Variants in FAP observed in about 807,000 individuals in gnomAD.
FAP encodes fibroblast activation protein alpha.
A neutral mutation model predicts 126.5 loss-of-function variants in FAP; 110 were observed. The ratio of observed to expected loss-of-function variants is 0.87; its 90% CI spans 0.74 to 1.02. The LOEUF is 1.02. Ranked by LOEUF, FAP falls within the 50% of genes least tolerant of loss-of-function variation. The pLI, the probability that FAP is intolerant of heterozygous loss-of-function variation, is 0.00. For synonymous variants in FAP, 334 were observed against 297.3 expected, an observed-to-expected ratio of 1.12 and a Z score of -1.27; for missense variants, 919 against 909.2, an observed-to-expected ratio of 1.01 and a Z score of -0.14.
rs1688859612 is a variant in FAP, at chr2:162,209,992, T to C, written c.1007A>G (p.Gln336Arg). ...AGTTCTGCTTTCTTCTATATGCTCC[T>C]GGGTCTAAAAGACAAAAGATCACAT... ...DWQTWDCPKTQEHIEESRTGW... is the reference protein window; with the variant it reads ...DWQTWDCPKTREHIEESRTGW... Residue 336 changes from glutamine (Q) to arginine (R), a missense_variant, in exon 12 of 26, where the codon CAG becomes CGG. Physicochemically the swap from Gln to Arg is conservative, Grantham distance 43. Coordinates refer to ENST00000188790, the MANE Select transcript of FAP (RefSeq NM_004460.5). The C allele has an allele frequency of 6.2e-7, 1 of 1,612,760 alleles. No homozygotes were observed. Among genetic ancestry groups the C allele is most frequent in the South Asian group, 1.1e-5 (1 of 91,038 alleles).
At chr2:162,220,283 TA>T (rs1162987024) in intron 6 of FAP, among the ~76,000 whole-genome samples, 2 of 152,236 alleles carry the variant, frequency 1.3e-5, no homozygotes, top group African/African-American at 4.8e-5. Context: ...AGAGAGCTGA[TA>T]GAACTTTTTA....
chr2:162,218,084 C>T lies in FAP; in HGVS notation c.664G>A (p.Ala222Thr). The change falls in exon 9 of 26, where the codon GCA (alanine) becomes ACA (threonine). Residue 222 changes from alanine (A) to threonine (T), a missense_variant. Physicochemically the swap from Ala to Thr is moderately conservative, Grantham distance 58 (BLOSUM62 0). Transcript: ENST00000188790. The stretch of plus-strand genomic sequence containing the variant: ...TCCGTATCATTAAATTCCGCATATG[C>T]CAAAAATTTTCCATTAGGAGACCAC... ...LWWSPNGKFL[A>T]YAEFNDTDIP... is the part of the protein sequence containing the mutation. 1 of 1,606,786 alleles carries T rather than the reference C, an allele frequency of 6.2e-7. No homozygotes were observed. The highest frequency in any genetic ancestry group is 1.1e-5 in the South Asian group (1 of 89,892).
rs533256795 is a variant in FAP, at chr2:162,177,080, G to GC, written c.1870-2115dup. ...AGAAAACCCGAGTTGACTTTTTCCT[G>GC]CCCCCCCTCCATGAGTGGGGCTCCC... is the stretch of plus-strand genomic sequence containing the variant. On this transcript the variant is annotated intron_variant, in intron 21 of 25. Coordinates refer to ENST00000188790, the MANE Select transcript of FAP (RefSeq NM_004460.5). 1.7e-3 allele frequency among the ~76,000 whole-genome samples: 252 copies of GC among 152,048 alleles called. 1 individual carries two copies. The highest frequency in any genetic ancestry group is 2.6e-3 in the Non-Finnish European group (178 of 67,974).
At chr2:162,188,808 TA>T (rs1328149353) in intron 19 of FAP, among the ~76,000 whole-genome samples, 9 of 152,228 alleles carry the variant, frequency 5.9e-5, no homozygotes, top group Admixed American at 3.9e-4. Context: ...TGATTTACAA[TA>T]TTTTTTTTGG....
chr2:162,174,363 AG>A (rs1687412604), intron 22 of FAP, among the ~76,000 whole-genome samples: 1 of 152,224 alleles, frequency 6.6e-6, no homozygotes, highest in Admixed American at 6.5e-5. Flanking sequence ...TATAATTATT[AG>A]AATTCCTTCC....
intron 25 of FAP, chr2:162,171,410 G>T: frequency 5.5e-6 from 1 of 182,310 alleles, no homozygotes. Context: ...TTTGGAGTCT[G>T]GTTTCTTCAT....
At chr2:162,195,608 C>T (rs1449674673) in intron 16 of FAP, among the ~76,000 whole-genome samples, 1 of 152,030 alleles carries the variant, frequency 6.6e-6, no homozygotes, top group Non-Finnish European at 1.5e-5. Context: ...TGAGTCAGTC[C>T]TGAAGATGGG....
At chr2:162,208,824 GT>G (rs747233676) in intron 12 of FAP, among the ~76,000 whole-genome samples, 10,449 of 139,186 alleles carry the variant, frequency 0.075, 1,018 homozygotes, top group African/African-American at 0.23. Flanking sequence ...AAATAGGAGG[GT>G]TTTTTTTTTT....
chr2:162,227,248 C>T (rs907063722), intron 2 of FAP, among the ~76,000 whole-genome samples: 3 of 151,970 alleles, frequency 2.0e-5, no homozygotes, highest in African/African-American at 7.3e-5. Flanking sequence ...AAAAGAAAAC[C>T]CCTTGATCTA....
chr2:162,209,934 A>G lies in FAP; in HGVS notation c.1047+18T>C. On this transcript the variant is annotated intron_variant, in intron 12 of 25. Coordinates refer to ENST00000188790, the MANE Select transcript of FAP (RefSeq NM_004460.5). ...TCAAGTTTCATTAAAACATAAGAAA[A>G]AGATAGCAAAATCATACTCCACCAG... 6.2e-7 allele frequency: 1 copy of G among 1,610,164 alleles called. No homozygotes were observed. Among genetic ancestry groups the G allele is most frequent in the Non-Finnish European group, 8.5e-7 (1 of 1,177,232 alleles).
At chr2:162,178,963 T>G (rs562675802) in intron 21 of FAP, among the ~76,000 whole-genome samples, 6 of 152,314 alleles carry the variant, frequency 3.9e-5, no homozygotes, top group Admixed American at 6.5e-5. Flanking sequence ...CTCTTCCAAC[T>G]GCTACTTCAC....
In FAP at chr2:162,243,317, C is replaced by T. The variant is rs1466139384; in HGVS notation, c.6+5G>A. On this transcript the variant is annotated splice_donor_5th_base_variant and intron_variant, in intron 1 of 25. Transcript: ENST00000188790. ...TTAAGAATACTTGAGGTTGCTTATA[C>T]TAACCTTCATTTTTCCAGATGTTTT... The T allele has an allele frequency of 1.2e-6, 2 of 1,607,706 alleles. No individual in the cohort carries two copies. The highest frequency in any genetic ancestry group is 1.7e-6 in the Non-Finnish European group (2 of 1,175,588).
intron 2 of FAP, among the ~76,000 whole-genome samples, chr2:162,235,785 C>T (rs1690106684): frequency 2.0e-5 from 3 of 152,182 alleles, no homozygotes; most frequent in African/African-American, 7.2e-5. Context: ...TGCAATAAAT[C>T]TTGCTAGTGC....
intron 21 of FAP, among the ~76,000 whole-genome samples, chr2:162,182,640 C>T (rs1463936416): frequency 6.6e-6 from 1 of 152,128 alleles, no homozygotes; most frequent in East Asian, 1.9e-4. Context: ...ACAACCCAGG[C>T]ACAAATGGCT....
intron 3 of FAP, among the ~76,000 whole-genome samples, 182 bp downstream of exon 3, chr2:162,226,341 C>A (rs938084102): frequency 2.0e-5 from 3 of 152,110 alleles, no homozygotes; most frequent in African/African-American, 7.2e-5. Flanking sequence ...TACTATGGCG[C>A]AAATCCAGTA....
chr2:162,200,041 T>C (rs1394754247), intron 15 of FAP, among the ~76,000 whole-genome samples: 4 of 152,162 alleles, frequency 2.6e-5, no homozygotes, highest in Admixed American at 2.0e-4. Flanking sequence ...TGGCATATAA[T>C]AGACTACCAG....
chr2:162,233,364 C>T (rs1576198581), intron 2 of FAP, among the ~76,000 whole-genome samples: 1 of 151,980 alleles, frequency 6.6e-6, no homozygotes, highest in Non-Finnish European at 1.5e-5. Flanking sequence ...TACTGCACCC[C>T]CAGGGACAAG....
chr2:162,221,709 T>G (rs1413341202), intron 6 of FAP: 2 of 456,500 alleles, frequency 4.4e-6, no homozygotes, highest in Non-Finnish European at 8.8e-6. Context: ...ACAGCTGCCA[T>G]TTTCTGTTTT....
chr2:162,227,299 G>C (rs970826451), intron 2 of FAP, among the ~76,000 whole-genome samples: 2 of 152,078 alleles, frequency 1.3e-5, no homozygotes, highest in African/African-American at 2.4e-5. Context: ...AGGGTTTTCT[G>C]TAGAAAAACT....
Sources: gnomAD v4.1 joint callset for allele counts (sites outside exome capture counted in the v4.1 genomes callset) on GRCh38, gnomAD v4.1.1 for gene constraint, MANE v1.5 for transcripts, NCBI Gene and HGNC (gene_info 2026-07-23, HGNC 2026-07-21) for gene names.